The following KCNU1 variants were observed in gnomAD, a reference collection of about 807,000 sequenced individuals.
The protein encoded by KCNU1 is potassium calcium-activated channel subfamily U member 1.
A neutral mutation model predicts 126.8 loss-of-function variants in KCNU1; 93 were observed. That is an observed-to-expected ratio of 0.73 (90% confidence interval 0.62 to 0.87). The LOEUF (loss-of-function observed/expected upper bound fraction) is 0.87. KCNU1 is among the 40% of genes least tolerant of loss of function. KCNU1 has a pLI of 0.00. For synonymous variants in KCNU1, 523 were observed against 494.2 expected (o/e 1.06, Z -0.77); for missense variants, 1,330 against 1,367.1 (o/e 0.97, Z 0.43).
chr8:36,904,829 G>A (rs886245484), intron 19 of KCNU1, among the ~76,000 whole-genome samples: 6 of 152,132 alleles, frequency 3.9e-5, no homozygotes. Context: ...GTGTGGAGGA[G>A]AGACACCTTT....
At chr8:36,785,809 C>CAAA (rs1802692427) in intron 1 of KCNU1, among the ~76,000 whole-genome samples, 1 of 152,084 alleles carries the variant, frequency 6.6e-6, no homozygotes, top group East Asian at 1.9e-4. Flanking sequence ...CCATTATGTT[C>CAAA]ATTTTGTGTG....
At chr8:36,809,089 G>T (rs907260565) in intron 7 of KCNU1, among the ~76,000 whole-genome samples, 15 of 151,968 alleles carry the variant, frequency 9.9e-5, no homozygotes, top group African/African-American at 3.4e-4. Context: ...ATCTTATAAG[G>T]GTTCTAGCAT....
chr8:36,933,126 G>A (rs1478902714), intron 26 of KCNU1, 94 bp downstream of exon 26: 3 of 774,828 alleles, frequency 3.9e-6, no homozygotes, highest in Non-Finnish European at 4.3e-6. Context: ...CAGAGCTCAG[G>A]GTCCACAGTT....
rs145558078 is a variant in KCNU1, at chr8:36,835,223, A to G, written c.1295+355A>G. On this transcript the variant is annotated intron_variant, in intron 12 of 26. Coordinates refer to ENST00000399881, the MANE Select transcript of KCNU1 (RefSeq NM_001031836.3). The stretch of plus-strand genomic sequence containing the variant: ...TCAAAAATGAAGATGCAATTTTATG[A>G]ACCCTATTAGTGCACGTTATTTATT... 4.3e-3 allele frequency among the ~76,000 whole-genome samples: 652 copies of G among 152,324 alleles called. 7 individuals are homozygous for G. The highest frequency in any genetic ancestry group is 0.015 in the African/African-American group (614 of 41,564).
intron 21 of KCNU1, 55 bp downstream of exon 21, chr8:36,909,590 A>G: frequency 1.0e-6 from 1 of 992,122 alleles, no homozygotes; most frequent in East Asian, 2.4e-5. Flanking sequence ...TATTAATAGG[A>G]CTAGAATTAA....
intron 19 of KCNU1, among the ~76,000 whole-genome samples, chr8:36,882,953 C>G (rs943646248): frequency 1.3e-5 from 2 of 152,118 alleles, no homozygotes; most frequent in Non-Finnish European, 2.9e-5. Context: ...TCTTTCTTCT[C>G]CTTCCCTTCC....
intron 19 of KCNU1, among the ~76,000 whole-genome samples, chr8:36,879,435 A>G (rs1370559424): frequency 1.3e-5 from 2 of 151,944 alleles, no homozygotes; most frequent in Admixed American, 6.6e-5. Context: ...TTAGCTATCA[A>G]TTAATTGCAG....
At chr8:36,900,897 A>C (rs1321492511) in intron 19 of KCNU1, among the ~76,000 whole-genome samples, 2 of 152,086 alleles carry the variant, frequency 1.3e-5, no homozygotes, top group Non-Finnish European at 2.9e-5. Context: ...AACTTCATGA[A>C]AGTTGTTATT....
chr8:36,935,144 C>A (rs567905582), intron 26 of KCNU1, among the ~76,000 whole-genome samples: 1 of 152,026 alleles, frequency 6.6e-6, no homozygotes, highest in African/African-American at 2.4e-5. Context: ...ATCAAATAGA[C>A]CTGGAGTAAG....
chr8:36,910,345 GC>G (rs1807818544), intron 21 of KCNU1, among the ~76,000 whole-genome samples: 1 of 151,980 alleles, frequency 6.6e-6, no homozygotes, highest in Non-Finnish European at 1.5e-5. Flanking sequence ...CTGTACTACC[GC>G]TCCTGCTTAA....
At chr8:36,881,153 G>T (rs572961977) in intron 19 of KCNU1, among the ~76,000 whole-genome samples, 2 of 152,272 alleles carry the variant, frequency 1.3e-5, no homozygotes, top group East Asian at 1.9e-4. Flanking sequence ...TAAACCTTTC[G>T]GGAGCCCTTC....
intron 24 of KCNU1, chr8:36,923,157 C>A (rs1808422900): frequency 6.8e-6 from 3 of 438,254 alleles, no homozygotes; most frequent in East Asian, 7.0e-5. Context: ...AGCCACCTGG[C>A]AGACCTTTTC....
At position 36,909,552 on chromosome 8, in the gene KCNU1, G is replaced by A. The variant is rs1261967490; in HGVS notation, c.2331+17G>A. 9 of 1,386,396 alleles carry A rather than the reference G, an allele frequency of 6.5e-6. No homozygotes were observed. The highest frequency in any genetic ancestry group is 2.4e-5 in the South Asian group (2 of 84,970). 85.9% of individuals were successfully genotyped at this position (1,386,396 alleles called of 1,614,324 possible). A position where few individuals can be genotyped will look rare whatever the true frequency, so the allele number is the denominator to read the frequency against. The stretch of plus-strand genomic sequence containing the variant: ...ATTCTGCCTGTAAGTATCATATAAG[G>A]AAAAGTTAATATTTATAAGGATTTC... On this transcript the variant is annotated intron_variant, in intron 21 of 26. Coordinates refer to ENST00000399881, the MANE Select transcript of KCNU1 (RefSeq NM_001031836.3).
At chr8:36,922,330 GAA>G (rs60216672) in intron 23 of KCNU1, among the ~76,000 whole-genome samples, 158 bp from the exon 24 acceptor site, 1 of 149,634 alleles carries the variant, frequency 6.7e-6, no homozygotes, top group Non-Finnish European at 1.5e-5. Context: ...GGAAAGGAAA[GAA>G]AAAAAAAATG....
intron 2 of KCNU1, among the ~76,000 whole-genome samples, chr8:36,788,549 A>G (rs1650582510): frequency 6.6e-6 from 1 of 152,358 alleles, no homozygotes; most frequent in Non-Finnish European, 1.5e-5. Flanking sequence ...TTTTATAACT[A>G]GCAAAAACAT....
At chr8:36,893,112 C>A (rs1163817570) in intron 19 of KCNU1, among the ~76,000 whole-genome samples, 1 of 151,798 alleles carries the variant, frequency 6.6e-6, no homozygotes, top group Non-Finnish European at 1.5e-5. Flanking sequence ...CAGGTGTGAG[C>A]CACCATGCCT....
chr8:36,827,152 G>T (rs148904613), intron 10 of KCNU1, among the ~76,000 whole-genome samples: 1 of 152,274 alleles, frequency 6.6e-6, no homozygotes, highest in East Asian at 1.9e-4. Context: ...TCCAGAGAGT[G>T]TATTTCTTTA....
At chr8:36,869,903 T>C (rs1806040286) in intron 19 of KCNU1, among the ~76,000 whole-genome samples, 1 of 152,154 alleles carries the variant, frequency 6.6e-6, no homozygotes, top group African/African-American at 2.4e-5. Context: ...GTTACAGAGT[T>C]CAAGACCTCG....
chr8:36,873,812 A>G (rs1178609403), intron 19 of KCNU1, among the ~76,000 whole-genome samples: 2 of 152,226 alleles, frequency 1.3e-5, no homozygotes, highest in African/African-American at 4.8e-5. Context: ...TAAATATTGG[A>G]ATTGCTTGGT....
Sources: gnomAD v4.1 joint callset for allele counts (sites outside exome capture counted in the v4.1 genomes callset) on GRCh38, gnomAD v4.1.1 for gene constraint, MANE v1.5 for transcripts, NCBI Gene and HGNC (gene_info 2026-07-23, HGNC 2026-07-21) for gene names.